CDK8: variants seen among roughly 807,000 people sequenced by gnomAD.
The protein encoded by CDK8 is cyclin-dependent kinase 8.
A neutral mutation model predicts 71.5 loss-of-function variants in CDK8; 29 were observed. The ratio of observed to expected loss-of-function variants is 0.41; its 90% CI spans 0.30 to 0.55. The LOEUF (loss-of-function observed/expected upper bound fraction) is 0.55. CDK8 is among the 20% of genes least tolerant of loss of function. The probability of loss-of-function intolerance (pLI) is 0.37; values close to 1 mark genes in which losing one functional copy is unlikely to be tolerated. For missense variants in CDK8, 288 were observed against 572.6 expected (o/e 0.50, Z 5.07); for synonymous variants, 161 against 192.1 (o/e 0.84, Z 1.34).
In CDK8 at chr13:26,269,850, A is replaced by G. The variant is rs564886935; in HGVS notation, c.128+15081A>G. 5.3e-5 allele frequency among the ~76,000 whole-genome samples: 8 copies of G among 152,216 alleles called. No homozygotes were observed. The East Asian group carries it at 1.5e-3, about 29-fold the overall frequency. On this transcript the variant is annotated intron_variant, in intron 1 of 12. Coordinates refer to ENST00000381527, the MANE Select transcript of CDK8 (RefSeq NM_001260.3). ...TTTGGAATAGAAGATAGCATTTGCT[A>G]CTAGTTACTTATTATTTATTTATTT... is the stretch of plus-strand genomic sequence containing the variant.
chr13:26,270,886 A>T (rs1332936922), intron 1 of CDK8, among the ~76,000 whole-genome samples: 3 of 152,202 alleles, frequency 2.0e-5, no homozygotes, highest in Admixed American at 6.5e-5. Flanking sequence ...CTTTTTGAGT[A>T]GCCTCCAAAC....
intron 4 of CDK8, among the ~76,000 whole-genome samples, chr13:26,354,438 C>T (rs1050301231): frequency 4.6e-5 from 7 of 152,134 alleles, no homozygotes; most frequent in African/African-American, 1.2e-4. Context: ...TTTAATTTTA[C>T]GTTGCAAAGT....
chr13:26,337,017 C>G (rs960156423), intron 1 of CDK8, among the ~76,000 whole-genome samples: 1 of 152,070 alleles, frequency 6.6e-6, no homozygotes, highest in Non-Finnish European at 1.5e-5. Flanking sequence ...CTTGTTGTAT[C>G]CTCAGTACCT....
intron 4 of CDK8, among the ~76,000 whole-genome samples, chr13:26,354,394 C>T (rs1199533364): frequency 1.3e-5 from 2 of 152,178 alleles, no homozygotes; most frequent in African/African-American, 4.8e-5. Context: ...GTGCATTGAA[C>T]TTTTGAGAAT....
chr13:26,337,518 C>T, intron 1 of CDK8, 49 bp from the exon 2 acceptor site: 1 of 692,120 alleles, frequency 1.4e-6, no homozygotes. Context: ...TATAAAAATG[C>T]ACATAAATAT....
intron 1 of CDK8, among the ~76,000 whole-genome samples, chr13:26,279,073 G>A (rs553593990): frequency 1.3e-5 from 2 of 151,676 alleles, no homozygotes; most frequent in South Asian, 4.2e-4. Flanking sequence ...GTGTCCCATA[G>A]ATATTGAAGA....
intron 1 of CDK8, among the ~76,000 whole-genome samples, chr13:26,315,002 T>C (rs1874444087): frequency 6.6e-6 from 1 of 152,146 alleles, no homozygotes; most frequent in South Asian, 2.1e-4. Flanking sequence ...GTAGAGAATC[T>C]AAATTGATTT....
intron 1 of CDK8, among the ~76,000 whole-genome samples, chr13:26,304,711 A>C (rs910226925): frequency 6.6e-6 from 1 of 152,078 alleles, no homozygotes; most frequent in Admixed American, 6.5e-5. Context: ...ATCAGAGTTC[A>C]CTGTAAACTT....
At chr13:26,395,226 G>A (rs1038115410) in intron 7 of CDK8, among the ~76,000 whole-genome samples, 2 of 152,182 alleles carry the variant, frequency 1.3e-5, no homozygotes, top group Non-Finnish European at 1.5e-5. Flanking sequence ...CGCGGTGGGC[G>A]GATCACCTGA....
chr13:26,347,191 A>G (rs770557297), intron 2 of CDK8, among the ~76,000 whole-genome samples: 6 of 152,156 alleles, frequency 3.9e-5, no homozygotes, highest in Non-Finnish European at 7.3e-5. Context: ...AAATAAAATA[A>G]CATCCTTTTA....
intron 4 of CDK8, among the ~76,000 whole-genome samples, chr13:26,370,847 A>G (rs914888842): frequency 2.0e-5 from 3 of 152,246 alleles, no homozygotes; most frequent in Admixed American, 6.5e-5. Context: ...AATGTTTATA[A>G]TGATCTAACT....
At chr13:26,359,641 T>C in intron 4 of CDK8, 1 of 322,630 alleles carries the variant, frequency 3.1e-6, no homozygotes, top group South Asian at 2.4e-5. Context: ...TTTTCACTAC[T>C]GAAGCCTGTG....
At chr13:26,318,856 A>G (rs1188622794) in intron 1 of CDK8, among the ~76,000 whole-genome samples, 3 of 151,874 alleles carry the variant, frequency 2.0e-5, no homozygotes, top group African/African-American at 4.9e-5. Context: ...AGTAAACATT[A>G]TAGTCAATGG....
intron 1 of CDK8, among the ~76,000 whole-genome samples, chr13:26,281,078 G>A (rs1054634088): frequency 2.6e-5 from 4 of 152,232 alleles, no homozygotes; most frequent in Non-Finnish European, 5.9e-5. Context: ...CTGCTTCAAG[G>A]TAGGAGAAAA....
At position 26,359,201 on chromosome 13, in the gene CDK8, T is replaced by C. The variant is rs1874025085; in HGVS notation, c.456+5321T>C. On this transcript the variant is annotated intron_variant, in intron 4 of 12. Transcript: ENST00000381527. ...GATTCATAGAGACAAAGTAGAATGG[T>C]GGTTGCCAGGGCTGAGGGGAGGAGC... Among the ~76,000 whole-genome samples the C allele has an allele frequency of 2.6e-5, 4 of 152,118 alleles. No individual in the cohort carries two copies. The South Asian group carries it at 6.2e-4, about 24-fold the overall frequency.
chr13:26,321,045 C>T (rs1219128772), intron 1 of CDK8, among the ~76,000 whole-genome samples: 1 of 151,958 alleles, frequency 6.6e-6, no homozygotes, highest in Non-Finnish European at 1.5e-5. Flanking sequence ...AGGAGGCCTT[C>T]AAAGAGGAAT....
At chr13:26,304,234 A>G (rs981835312) in intron 1 of CDK8, among the ~76,000 whole-genome samples, 12 of 151,902 alleles carry the variant, frequency 7.9e-5, no homozygotes, top group Admixed American at 7.9e-4. Context: ...GCTACACTCC[A>G]GCCTGAGCAA....
At chr13:26,258,723 G>A (rs1011269824) in intron 1 of CDK8, among the ~76,000 whole-genome samples, 19 of 152,140 alleles carry the variant, frequency 1.2e-4, no homozygotes, top group African/African-American at 4.1e-4. Context: ...ATTTGAGGAA[G>A]TAAAAATTAT....
intron 2 of CDK8, among the ~76,000 whole-genome samples, chr13:26,343,541 C>T (rs536846329): frequency 6.6e-6 from 1 of 152,058 alleles, no homozygotes; most frequent in African/African-American, 2.4e-5. Flanking sequence ...CAAGGTCCCC[C>T]CAAAACAAAG....
Sources: gnomAD v4.1 joint callset for allele counts (sites outside exome capture counted in the v4.1 genomes callset) on GRCh38, gnomAD v4.1.1 for gene constraint, MANE v1.5 for transcripts, NCBI Gene and HGNC (gene_info 2026-07-23, HGNC 2026-07-21) for gene names.